PALM: variants seen among roughly 807,000 people sequenced by gnomAD.
PALM encodes paralemmin.
In PALM, 18 loss-of-function variants were observed where a neutral mutation model predicts 30.7. That is an observed-to-expected ratio of 0.59 (90% CI 0.41 to 0.87). The LOEUF (loss-of-function observed/expected upper bound fraction) is 0.87. Ranked by LOEUF, PALM falls within the 40% of genes least tolerant of loss-of-function variation. The probability of loss-of-function intolerance (pLI) is 0.00; values close to 1 mark genes in which losing one functional copy is unlikely to be tolerated. For missense variants in PALM, 529 were observed against 555.4 expected (o/e 0.95, Z 0.48); for synonymous variants, 286 against 242.8 (o/e 1.18, Z -1.66).
rs1299599023 is a variant in PALM at position 746,047 on chromosome 19, G to A, written c.635-238G>A. On this transcript the variant is annotated intron_variant, in intron 8 of 8. Transcript: ENST00000338448. This position sits in a 1 kb window ranked among gnomAD's most constrained non-coding sequence, Gnocchi z 7.1. ...CACTCCAGCCTGGGCGACAGAGTGA[G>A]ACTCCGTCTCAAAAAAAATTTTTTT... Among the ~76,000 whole-genome samples, 1 of 152,224 alleles carries A rather than the reference G, an allele frequency of 6.6e-6. No individual in the cohort carries two copies. The highest frequency in any genetic ancestry group is 1.5e-5 in the Non-Finnish European group (1 of 68,040).
chr19:712,376 C>T (rs948616604), intron 1 of PALM, among the ~76,000 whole-genome samples: 5 of 152,004 alleles, frequency 3.3e-5, no homozygotes, highest in African/African-American at 4.8e-5. Context: ...TGAGAACTCC[C>T]TTGACCCTTG....
At chr19:741,897 A>C (rs1187026555) in intron 8 of PALM, among the ~76,000 whole-genome samples, 2 of 152,108 alleles carry the variant, frequency 1.3e-5, no homozygotes, top group African/African-American at 4.8e-5. Flanking sequence ...CCCGGCCCGC[A>C]GTGCAGCGAT....
At position 733,848 on chromosome 19, in the gene PALM, C is replaced by T. The variant is rs141220961; in HGVS notation, c.421-325C>T. Among the ~76,000 whole-genome samples the T allele has an allele frequency of 1.4e-3, 218 of 152,144 alleles. 1 individual carries two copies. Among genetic ancestry groups the T allele is most frequent in the African/African-American group, 4.7e-3 (195 of 41,506 alleles). ...CTAAAAATACAAAATTAGCCAGGTG[C>T]GATGACGCAGGCCTGTAACCCCAGC... On this transcript the variant is annotated intron_variant, in intron 5 of 8. Coordinates refer to ENST00000338448, the MANE Select transcript of PALM (RefSeq NM_002579.3).
rs749219002 is a variant in PALM at position 736,025 on chromosome 19, G to A, written c.449G>A (p.Arg150Gln). 5.6e-6 allele frequency: 9 copies of A among 1,609,614 alleles called. No individual in the cohort carries two copies. The highest frequency in any genetic ancestry group is 2.2e-5 in the East Asian group (1 of 44,536). ...QTPVGTPKDK[R>Q]VSNTPLRTVD... ...GCTTCCACCTCCCGTGCAGACAAGCGAGTCTCCAACACGCCCCTGAGGACG... is the reference window on the plus strand; with the variant it reads ...GCTTCCACCTCCCGTGCAGACAAGCAAGTCTCCAACACGCCCCTGAGGACG... Residue 150 changes from arginine (R) to glutamine (Q), a missense_variant, in exon 7 of 9, where the codon CGA (arginine) becomes CAA (glutamine). Transcript: ENST00000338448.
intron 4 of PALM, among the ~76,000 whole-genome samples, chr19:728,386 G>A (rs1003800193): frequency 1.3e-5 from 2 of 152,214 alleles, no homozygotes; most frequent in African/African-American, 2.4e-5. Context: ...CACGGACCTC[G>A]CAGGCCCTTC....
At position 742,227 on chromosome 19, in the gene PALM, C is replaced by T. The variant is rs976623631; in HGVS notation, c.634+1744C>T. On this transcript the variant is annotated intron_variant, in intron 8 of 8. Transcript: ENST00000338448. The surrounding 1 kb of genome is among the most constrained non-coding windows in gnomAD (Gnocchi z 5.5). The stretch of plus-strand genomic sequence containing the variant: ...TTCCTGTCCCCTCCCCAGTCAGCGT[C>T]ACTCCCTATCCCCTCCCCAGCTCTG... Among the ~76,000 whole-genome samples the T allele has an allele frequency of 7.9e-5, 12 of 152,064 alleles. No homozygotes were observed. Among genetic ancestry groups the T allele is most frequent in the African/African-American group, 2.9e-4 (12 of 41,406 alleles).
Position 746,210 on chromosome 19 carries a change from C to T in PALM, c.635-75C>T. The T allele has an allele frequency of 4.9e-6, 6 of 1,222,776 alleles. No individual in the cohort carries two copies. Among genetic ancestry groups the T allele is most frequent in the Non-Finnish European group, 5.9e-6 (5 of 849,982 alleles). 75.7% of individuals were successfully genotyped at this position (1,222,776 alleles called of 1,614,324 possible). A position where few individuals can be genotyped will look rare whatever the true frequency, so the allele number is the denominator to read the frequency against. On this transcript the variant is annotated intron_variant, in intron 8 of 8. Transcript: ENST00000338448. This position sits in a 1 kb window ranked among gnomAD's most constrained non-coding sequence, Gnocchi z 7.1. ...ATACAAGCCTTGCCAAGGTTTCCCTCCTGCCTGAGCCAGGTCACTCTCTCT... is the reference window on the plus strand; with the variant it reads ...ATACAAGCCTTGCCAAGGTTTCCCTTCTGCCTGAGCCAGGTCACTCTCTCT...
At chr19:724,513 G>C (rs2032597297) in intron 1 of PALM, among the ~76,000 whole-genome samples, 1 of 152,058 alleles carries the variant, frequency 6.6e-6, no homozygotes. Context: ...AGAGACGGGG[G>C]TTTCACCATG....
intron 3 of PALM, 51 bp downstream of exon 3, chr19:727,139 C>T (rs536298214): frequency 1.4e-5 from 17 of 1,225,690 alleles, no homozygotes; most frequent in Admixed American, 6.0e-5. Context: ...GGCTGTGAGG[C>T]GGAGGCCCCG....
chr19:732,810 G>A (rs1490573167), intron 5 of PALM, among the ~76,000 whole-genome samples: 1 of 152,132 alleles, frequency 6.6e-6, no homozygotes, highest in Non-Finnish European at 1.5e-5. Flanking sequence ...GAGGTGGGAA[G>A]CCCAGGGCGC....
chr19:740,482 A>G lies in PALM; in HGVS notation c.633A>G (p.Lys211=). ...LGIKVYEDET[K]VVHAVDGTAE... Reference sequence around the variant, plus strand: ...TCAAAGTCTACGAGGACGAGACCAAAGGTACGAGCACCCCGGCCCCTGCCC... The same window carrying G: ...TCAAAGTCTACGAGGACGAGACCAAGGGTACGAGCACCCCGGCCCCTGCCC... Residue 211 remains lysine (K), a splice_region_variant and synonymous_variant, in exon 8 of 9, where the codon AAA becomes AAG. Coordinates refer to ENST00000338448, the MANE Select transcript of PALM (RefSeq NM_002579.3). The G allele has an allele frequency of 6.5e-7, 1 of 1,550,370 alleles. No individual in the cohort carries two copies.
At chr19:726,669 ATTG>A (rs1271395462) in intron 2 of PALM, among the ~76,000 whole-genome samples, 1 of 152,012 alleles carries the variant, frequency 6.6e-6, no homozygotes, top group African/African-American at 2.4e-5. Flanking sequence ...CGCTGGGCTA[ATTG>A]TTGTATTTTT....
chr19:743,949 G>A (rs567142644), intron 8 of PALM, among the ~76,000 whole-genome samples: 3 of 152,198 alleles, frequency 2.0e-5, no homozygotes, highest in Non-Finnish European at 4.4e-5. Flanking sequence ...GACCACCGTG[G>A]CCCAGGCTGC....
intron 8 of PALM, among the ~76,000 whole-genome samples, chr19:743,500 TCCAG>T (rs1331239563): frequency 6.6e-6 from 1 of 152,206 alleles, no homozygotes; most frequent in African/African-American, 2.4e-5. Flanking sequence ...CCTCTGGGCC[TCCAG>T]CCCAAAGTCA....
chr19:710,175 C>T (rs1334768422), intron 1 of PALM, among the ~76,000 whole-genome samples: 1 of 152,218 alleles, frequency 6.6e-6, no homozygotes, highest in Non-Finnish European at 1.5e-5. Context: ...GCCCCCTGCC[C>T]TTCCCACTGG....
At chr19:727,180 A>C in intron 3 of PALM, 92 bp downstream of exon 3, 2 of 820,478 alleles carry the variant, frequency 2.4e-6, no homozygotes, top group Non-Finnish European at 2.0e-6. Context: ...CCTGACCCCA[A>C]TCCCAACCTG....
chr19:744,399 C>CAAAA (rs59707820), intron 8 of PALM, among the ~76,000 whole-genome samples: 1 of 126,658 alleles, frequency 7.9e-6, no homozygotes. Context: ...GACTCCATCT[C>CAAAA]AAAAAAAAAA....
intron 6 of PALM, chr19:734,949 A>T: frequency 2.2e-6 from 1 of 458,636 alleles, no homozygotes; most frequent in Non-Finnish European, 2.9e-6. Context: ...TTAATTATTC[A>T]TAAGGAGAGT....
chr19:744,559 T>C (rs778536900), intron 8 of PALM, among the ~76,000 whole-genome samples: 2 of 152,042 alleles, frequency 1.3e-5, no homozygotes, highest in African/African-American at 4.8e-5. Context: ...AAAATTTCAA[T>C]TTAAGATCAA....
Sources: gnomAD v4.1 joint callset for allele counts (sites outside exome capture counted in the v4.1 genomes callset) on GRCh38, gnomAD v4.1.1 for gene constraint, Gnocchi (gnomAD v3.1) non-coding constraint, MANE v1.5 for transcripts, NCBI Gene and HGNC (gene_info 2026-07-23, HGNC 2026-07-21) for gene names.